Variants in LARP1 observed in about 807,000 individuals in gnomAD.
The protein encoded by LARP1 is La ribonucleoprotein 1, translational regulator, also known as la-related protein 1.
Under a neutral mutation model 122.7 loss-of-function variants are expected in LARP1, and 36 were observed. That is an observed-to-expected ratio of 0.29 (90% CI 0.22 to 0.39). The LOEUF is 0.39. Among genes scored for constraint, LARP1 ranks in the 10% least tolerant of loss-of-function variants. LARP1 has a pLI of 1.00. For synonymous variants in LARP1, 539 were observed against 528.7 expected (o/e 1.02, Z -0.27); for missense variants, 1,040 against 1,403.6 (o/e 0.74, Z 4.14).
At chr5:154,760,506 T>G (rs1046779520) in intron 1 of LARP1, among the ~76,000 whole-genome samples, 5 of 152,232 alleles carry the variant, frequency 3.3e-5, no homozygotes, top group African/African-American at 1.2e-4. Flanking sequence ...GAGAAACTCT[T>G]CTGGCTTCAG....
intron 8 of LARP1, among the ~76,000 whole-genome samples, chr5:154,795,624 C>G (rs1047752011): frequency 3.3e-5 from 5 of 151,640 alleles, no homozygotes; most frequent in Admixed American, 6.6e-5. Flanking sequence ...TTCTCACATA[C>G]TACATTGAAG....
intron 1 of LARP1, among the ~76,000 whole-genome samples, chr5:154,728,049 C>A (rs1402308436): frequency 6.6e-6 from 1 of 152,196 alleles, no homozygotes; most frequent in Non-Finnish European, 1.5e-5. Flanking sequence ...GCCTAGACAA[C>A]AGAGTGAAAC....
At chr5:154,790,519 T>G in intron 2 of LARP1, 126 bp from the exon 3 acceptor site, 1 of 1,278,262 alleles carries the variant, frequency 7.8e-7, no homozygotes, top group South Asian at 1.2e-5. Context: ...CTTCTAGGTA[T>G]CCAGTGTGAA....
At chr5:154,796,834 C>A (rs1752374413) in intron 8 of LARP1, among the ~76,000 whole-genome samples, 2 of 152,148 alleles carry the variant, frequency 1.3e-5, no homozygotes, top group Non-Finnish European at 2.9e-5. Flanking sequence ...GATCTTCCTC[C>A]CTTTGTTAGC....
At chr5:154,710,318 T>C (rs964180836), upstream of LARP1, among the ~76,000 whole-genome samples, 1 of 152,032 alleles carries the variant, frequency 6.6e-6, no homozygotes, top group African/African-American at 2.4e-5. Context: ...AAATAAAAAA[T>C]TCATACTGAG....
chr5:154,737,840 C>T (rs1756997908), intron 1 of LARP1, among the ~76,000 whole-genome samples: 1 of 152,038 alleles, frequency 6.6e-6, no homozygotes, highest in African/African-American at 2.4e-5. Flanking sequence ...ATGAGCTATC[C>T]TCATTGTTCC....
chr5:154,744,484 C>T (rs1753071890), intron 1 of LARP1, among the ~76,000 whole-genome samples: 1 of 152,060 alleles, frequency 6.6e-6, no homozygotes, highest in East Asian at 1.9e-4. Context: ...CTCATCTAAT[C>T]ACATTTAAAT....
At chr5:154,765,312 A>G (rs1754845874) in intron 1 of LARP1, among the ~76,000 whole-genome samples, 3 of 152,276 alleles carry the variant, frequency 2.0e-5, no homozygotes, top group Middle Eastern at 6.8e-3. Flanking sequence ...ACCACCCTAT[A>G]TAGACTAGCA....
At position 154,702,487 on chromosome 5, in the gene LARP1, C is replaced by T. The variant is rs144959785; in HGVS notation, c.-180+19450C>T. Among the ~76,000 whole-genome samples, 1,441 of 150,960 alleles carry T rather than the reference C, an allele frequency of 9.5e-3. 30 individuals carry two copies. Among genetic ancestry groups the T allele is most frequent in the African/African-American group, 0.029 (1,212 of 41,100 alleles). On this transcript the variant is annotated intron_variant, in intron 1 of 18. Coordinates refer to the LARP1 transcript ENST00000687700. ...AGGGGAATTTCTTGAACCCAGGAGG[C>T]GGAGGTTGCAGTGAGCCAAGACCAT...
chr5:154,766,674 C>T (rs185737712), intron 1 of LARP1, among the ~76,000 whole-genome samples: 8 of 152,310 alleles, frequency 5.3e-5, no homozygotes, highest in African/African-American at 1.9e-4. Flanking sequence ...AGTCGGCCCC[C>T]TTCTCCTGGG....
chr5:154,784,107 A>G (rs574770195), intron 1 of LARP1, among the ~76,000 whole-genome samples: 2 of 152,336 alleles, frequency 1.3e-5, no homozygotes, highest in Non-Finnish European at 2.9e-5. Context: ...GCTGAAGGCT[A>G]AGGGTTGAGG....
upstream of LARP1, among the ~76,000 whole-genome samples, chr5:154,708,634 A>G (rs768115151): frequency 2.0e-5 from 3 of 152,056 alleles, no homozygotes; most frequent in Non-Finnish European, 4.4e-5. Flanking sequence ...TTGTTTTGAG[A>G]CAGAGTTTCA....
chr5:154,685,928 G>A (rs897317242), intron 1 of LARP1: 23 of 482,928 alleles, frequency 4.8e-5, no homozygotes, highest in Non-Finnish European at 7.2e-5. Context: ...AAGCTACCTC[G>A]TGATTCGGTT....
At chr5:154,799,821 G>A in intron 9 of LARP1, 52 bp from the exon 10 acceptor site, 2 of 1,610,682 alleles carry the variant, frequency 1.2e-6, no homozygotes, top group Non-Finnish European at 1.7e-6. Context: ...CCTCAGGGCT[G>A]GCATCAGGAG....
At chr5:154,795,915 TA>T (rs1332769451) in intron 8 of LARP1, among the ~76,000 whole-genome samples, 2 of 122,128 alleles carry the variant, frequency 1.6e-5, no homozygotes, top group African/African-American at 3.2e-5. Flanking sequence ...ATATATTTAT[TA>T]TATATTTATA....
intron 1 of LARP1, among the ~76,000 whole-genome samples, chr5:154,789,895 G>T (rs1286974886): frequency 1.3e-5 from 2 of 152,138 alleles, no homozygotes; most frequent in African/African-American, 4.8e-5. Flanking sequence ...ACTAGTCCTG[G>T]TCTGCTCACA....
chr5:154,766,581 G>GC (rs1452792508), intron 1 of LARP1, among the ~76,000 whole-genome samples: 1 of 152,162 alleles, frequency 6.6e-6, no homozygotes, highest in East Asian at 1.9e-4. Context: ...TTGCCTGCTT[G>GC]CCCCTGCTGC....
intron 8 of LARP1, among the ~76,000 whole-genome samples, chr5:154,797,741 T>G (rs1191312242): frequency 6.6e-6 from 1 of 151,948 alleles, no homozygotes; most frequent in Non-Finnish European, 1.5e-5. Context: ...CAGGCTAGAT[T>G]GCAGTGGTGT....
At chr5:154,772,032 A>C (rs998396284) in intron 1 of LARP1, among the ~76,000 whole-genome samples, 2 of 152,258 alleles carry the variant, frequency 1.3e-5, no homozygotes, top group Non-Finnish European at 2.9e-5. Flanking sequence ...TTTAGCAAAA[A>C]GAAAAACAAC....
Sources: allele counts gnomAD v4.1 joint callset (sites outside exome capture counted in the v4.1 genomes callset), GRCh38; gene constraint gnomAD v4.1.1; transcripts MANE v1.5; gene names NCBI Gene and HGNC (gene_info 2026-07-23, HGNC 2026-07-21).